Variants in WNT2 observed in about 807,000 individuals in gnomAD.
WNT2 encodes the protein Wnt family member 2.
Under a neutral mutation model 36.9 loss-of-function variants are expected in WNT2, and 12 were observed. The observed-to-expected ratio is 0.33, with a 90% CI of 0.21 to 0.53. The LOEUF (loss-of-function observed/expected upper bound fraction) is 0.53, where lower values mean the gene tolerates loss of function less well. Among genes scored for constraint, WNT2 ranks in the 20% least tolerant of loss-of-function variants. WNT2 has a pLI of 0.95. For missense variants in WNT2, 379 were observed against 473.1 expected (o/e 0.80, Z 1.84); for synonymous variants, 163 against 174.6 (o/e 0.93, Z 0.52).
At chr7:117,321,691 T>C (rs909487262) in intron 1 of WNT2, among the ~76,000 whole-genome samples, 3 of 152,072 alleles carry the variant, frequency 2.0e-5, no homozygotes, top group Admixed American at 6.5e-5. Flanking sequence ...CCAAAAAATA[T>C]ATTTAAGTGA....
In WNT2 at chr7:117,297,673, C is replaced by T. The variant is rs61736336; in HGVS notation, c.792G>A (p.Thr264=). The T allele has an allele frequency of 2.3e-3, 3,744 of 1,614,092 alleles. 16 individuals are homozygous for T. The highest frequency in any genetic ancestry group is 0.014 in the African/African-American group (1,082 of 75,032). The part of the protein sequence containing the change: ...TVANERFKKP[T]KNDLVYFENS... ...TCTCAAAATACACGAGGTCATTTTT[C>T]GTTGGCTTCTTAAACCTCTCGTTAG... The change falls in exon 4 of 5, where the codon ACG becomes ACA. Residue 264 remains threonine (T), a synonymous_variant. Coordinates refer to ENST00000265441, the MANE Select transcript of WNT2 (RefSeq NM_003391.3).
At chr7:117,281,313 C>G (rs1410587744) in intron 4 of WNT2, among the ~76,000 whole-genome samples, 2 of 152,170 alleles carry the variant, frequency 1.3e-5, no homozygotes, top group Non-Finnish European at 2.9e-5. Context: ...ACATGGCTCA[C>G]TAGAGCCTCG....
At chr7:117,288,379 C>T (rs1191867455) in intron 4 of WNT2, among the ~76,000 whole-genome samples, 2 of 152,088 alleles carry the variant, frequency 1.3e-5, no homozygotes, top group African/African-American at 4.8e-5. Flanking sequence ...TAGTGATATG[C>T]AGCAATCTGT....
At chr7:117,316,166 C>G (rs559688788) in intron 2 of WNT2, among the ~76,000 whole-genome samples, 3 of 152,132 alleles carry the variant, frequency 2.0e-5, no homozygotes, top group East Asian at 3.8e-4. Flanking sequence ...GGGCAAGAAC[C>G]CTTTGGGGTG....
intron 4 of WNT2, among the ~76,000 whole-genome samples, chr7:117,288,439 T>G (rs1432384627): frequency 1.3e-5 from 2 of 152,186 alleles, no homozygotes; most frequent in Admixed American, 1.3e-4. Context: ...CCTAATAATA[T>G]GAAATTTGCA....
chr7:117,300,289 C>T (rs537316763), intron 3 of WNT2, among the ~76,000 whole-genome samples: 15 of 152,262 alleles, frequency 9.9e-5, no homozygotes, highest in African/African-American at 1.7e-4. Context: ...CTGGTTCAAG[C>T]GATTCTACTG....
rs1000244555 is a variant in WNT2, at chr7:117,276,225, G to T, written c.*1930C>A. 6.6e-6 allele frequency among the ~76,000 whole-genome samples: 1 copy of T among 152,184 alleles called. No individual in the cohort carries two copies. Among genetic ancestry groups the T allele is most frequent in the Admixed American group, 6.5e-5 (1 of 15,276 alleles). On this transcript the variant is annotated 3_prime_UTR_variant, in exon 5 of 5. Transcript: ENST00000265441. The stretch of plus-strand genomic sequence containing the variant: ...TCCTTTCCAATTTGAAACACAGCCT[G>T]GATTGATGATTTCACAGTTCATCCA...
rs1795306065 is a variant in WNT2 at position 117,320,659 on chromosome 7, G to T, written c.218C>A (p.Thr73Lys). 1 of 1,613,848 alleles carries T rather than the reference G, an allele frequency of 6.2e-7. No individual in the cohort carries two copies. Residue 73 changes from threonine (T) to lysine (K), a missense_variant, in exon 2 of 5, where the codon ACA becomes AAA. Thr to Lys is a moderately conservative substitution (Grantham distance 78). Coordinates refer to ENST00000265441, the MANE Select transcript of WNT2 (RefSeq NM_003391.3). ...RAISQGVAEW[T>K]AECQHQFRQH... is the part of the protein sequence containing the mutation. The stretch of plus-strand genomic sequence containing the variant: ...GCGGAACTGGTGCTGGCATTCTGCT[G>T]TCCACTCGGCCACGCCCTGGCTAAT...
At chr7:117,278,929 A>C (rs1794431191) in intron 4 of WNT2, among the ~76,000 whole-genome samples, 1 of 152,220 alleles carries the variant, frequency 6.6e-6, no homozygotes, top group Admixed American at 6.5e-5. Flanking sequence ...AAGAGGAGAC[A>C]TGGGCATCAT....
chr7:117,294,462 G>A (rs1003595668), intron 4 of WNT2, among the ~76,000 whole-genome samples: 4 of 151,960 alleles, frequency 2.6e-5, no homozygotes, highest in African/African-American at 9.7e-5. Flanking sequence ...ATATTGCAAG[G>A]TTTGCACCAA....
chr7:117,302,089 C>G (rs565166548), intron 3 of WNT2, among the ~76,000 whole-genome samples: 23 of 152,022 alleles, frequency 1.5e-4, no homozygotes, highest in African/African-American at 5.3e-4. Context: ...AGCCACTGTG[C>G]CCAACCCCCT....
At chr7:117,298,705 A>C (rs546725431) in intron 3 of WNT2, among the ~76,000 whole-genome samples, 10 of 152,262 alleles carry the variant, frequency 6.6e-5, no homozygotes, top group African/African-American at 2.4e-4. Context: ...TGTTTTCATG[A>C]GCCAGCAGAG....
intron 4 of WNT2, 74 bp from the exon 5 acceptor site, chr7:117,278,458 G>A (rs372876841): frequency 2.2e-4 from 312 of 1,423,682 alleles, no homozygotes; most frequent in East Asian, 1.1e-3. Context: ...GAGGAGTCAC[G>A]AGGTCCATCC....
At chr7:117,286,921 A>G (rs1018989241) in intron 4 of WNT2, among the ~76,000 whole-genome samples, 2 of 152,240 alleles carry the variant, frequency 1.3e-5, no homozygotes, top group Non-Finnish European at 2.9e-5. Context: ...GAGGCTTTCC[A>G]TATCTGGCAC....
chr7:117,295,081 ACT>A (rs1372913504), intron 4 of WNT2, among the ~76,000 whole-genome samples: 1 of 152,126 alleles, frequency 6.6e-6, no homozygotes, highest in Non-Finnish European at 1.5e-5. Flanking sequence ...ACAGAGCGAG[ACT>A]CTGTCTCAAA....
In WNT2 at chr7:117,322,772, G is replaced by A; in HGVS notation, c.83+135C>T. 2 of 807,626 alleles carry A rather than the reference G, an allele frequency of 2.5e-6. No individual in the cohort carries two copies. Among genetic ancestry groups the A allele is most frequent in the Non-Finnish European group, 4.2e-6 (2 of 481,708 alleles). 50.0% of individuals were successfully genotyped at this position (807,626 alleles called of 1,614,324 possible). A position where few individuals can be genotyped will look rare whatever the true frequency, so the allele number is the denominator to read the frequency against. On this transcript the variant is annotated intron_variant, in intron 1 of 4. Coordinates refer to ENST00000265441, the MANE Select transcript of WNT2 (RefSeq NM_003391.3). The surrounding 1 kb of genome is among the most constrained non-coding windows in gnomAD (Gnocchi z 5.4). The stretch of plus-strand genomic sequence containing the variant: ...GGGGCTCACCATGGGGCGATAAGAG[G>A]GCAGTAGCCAGGGTTCGGGCCAGAA...
At chr7:117,303,438 A>G (rs1794946324) in intron 3 of WNT2, among the ~76,000 whole-genome samples, 1 of 152,212 alleles carries the variant, frequency 6.6e-6, no homozygotes, top group Non-Finnish European at 1.5e-5. Context: ...GGTGGTGGCC[A>G]GTGTCCAAGC....
intron 3 of WNT2, among the ~76,000 whole-genome samples, chr7:117,300,670 C>T (rs1040851089): frequency 6.6e-5 from 10 of 152,136 alleles, no homozygotes; most frequent in Non-Finnish European, 1.2e-4. Flanking sequence ...GGTGGTGGCA[C>T]GTGCCTATGG....
chr7:117,309,907 T>C (rs1309788712), intron 3 of WNT2, among the ~76,000 whole-genome samples: 1 of 152,066 alleles, frequency 6.6e-6, no homozygotes, highest in Non-Finnish European at 1.5e-5. Flanking sequence ...AGGCAAAAAA[T>C]AAAATTCAAA....
Sources: allele counts gnomAD v4.1 joint callset (sites outside exome capture counted in the v4.1 genomes callset), GRCh38; gene constraint gnomAD v4.1.1; non-coding constraint Gnocchi (gnomAD v3.1); transcripts MANE v1.5; gene names NCBI Gene and HGNC (gene_info 2026-07-23, HGNC 2026-07-21).